The following ROCK1 variants were observed in gnomAD, a reference collection of about 807,000 sequenced individuals.
ROCK1 encodes the protein Rho associated coiled-coil containing protein kinase 1.
A neutral mutation model predicts 196.8 loss-of-function variants in ROCK1; 36 were observed. The ratio of observed to expected loss-of-function variants is 0.18; its 90% confidence interval spans 0.14 to 0.24. ROCK1 has a LOEUF of 0.24. ROCK1 is among the 10% of genes least tolerant of loss of function. The probability of loss-of-function intolerance (pLI) is 1.00; values close to 1 mark genes in which losing one functional copy is unlikely to be tolerated. For missense variants in ROCK1, 920 were observed against 1,562.0 expected, an observed-to-expected ratio of 0.59 and a Z score of 6.93; for synonymous variants, 443 against 515.9, an observed-to-expected ratio of 0.86 and a Z score of 1.91.
At chr18:20,967,466 G>C (rs2035384835) in intron 26 of ROCK1, among the ~76,000 whole-genome samples, 1 of 152,066 alleles carries the variant, frequency 6.6e-6, no homozygotes, top group African/African-American at 2.4e-5. Flanking sequence ...TCTCAATTTT[G>C]TTCTATTAAC....
At chr18:20,986,127 C>T (rs760299980) in intron 19 of ROCK1, among the ~76,000 whole-genome samples, 1 of 152,154 alleles carries the variant, frequency 6.6e-6, no homozygotes, top group Non-Finnish European at 1.5e-5. Context: ...TCCCGAAGTG[C>T]TGGGATTACA....
At chr18:20,985,676 T>C (rs528856685) in intron 19 of ROCK1, among the ~76,000 whole-genome samples, 3 of 152,292 alleles carry the variant, frequency 2.0e-5, no homozygotes, top group South Asian at 2.1e-4. Context: ...CAGAGCCAAA[T>C]AGGTAGTCAA....
At chr18:20,970,578 A>G in intron 22 of ROCK1, 65 bp from the exon 23 acceptor site, 1 of 1,080,364 alleles carries the variant, frequency 9.3e-7, no homozygotes, top group Non-Finnish European at 1.3e-6. Flanking sequence ...ACTTAATCAT[A>G]TTCTTAAAAA....
chr18:21,046,011 C>T (rs1374762927), intron 4 of ROCK1, among the ~76,000 whole-genome samples: 2 of 148,952 alleles, frequency 1.3e-5, no homozygotes, highest in African/African-American at 2.5e-5. Flanking sequence ...CCCAGGTTCA[C>T]GCCATTCTCC....
intron 17 of ROCK1, among the ~76,000 whole-genome samples, chr18:20,991,560 T>G (rs1304588545): frequency 6.6e-6 from 1 of 152,186 alleles, no homozygotes; most frequent in African/African-American, 2.4e-5. Context: ...TCAGGACAGT[T>G]CATTGCTAAG....
intron 2 of ROCK1, among the ~76,000 whole-genome samples, chr18:21,063,087 C>T (rs1160976633): frequency 1.3e-5 from 2 of 152,102 alleles, no homozygotes; most frequent in Non-Finnish European, 2.9e-5. Flanking sequence ...CAATGGTAGA[C>T]AAGTGGAAGA....
intron 21 of ROCK1, among the ~76,000 whole-genome samples, chr18:20,980,999 T>G (rs1308243173): frequency 6.6e-6 from 1 of 151,930 alleles, no homozygotes; most frequent in African/African-American, 2.4e-5. Context: ...TTAACACATA[T>G]TACTAATTTA....
At chr18:21,110,692 A>T in intron 1 of ROCK1, 126 bp downstream of exon 1, 1 of 770,770 alleles carries the variant, frequency 1.3e-6, no homozygotes, top group Non-Finnish European at 2.2e-6. Context: ...TCTTCAGGAA[A>T]CAGAAATCTA....
At chr18:21,031,883 G>A (rs1171654644) in intron 9 of ROCK1, among the ~76,000 whole-genome samples, 1 of 151,526 alleles carries the variant, frequency 6.6e-6, no homozygotes, top group Non-Finnish European at 1.5e-5. Context: ...ACAGGCAGAG[G>A]AAAAAAAACC....
chr18:21,018,497 T>TC (rs1000311154), intron 12 of ROCK1, among the ~76,000 whole-genome samples: 12 of 145,468 alleles, frequency 8.2e-5, no homozygotes, highest in African/African-American at 2.6e-4. Context: ...GCCATCATAC[T>TC]CCAGCCTGGG....
At chr18:21,089,901 T>C (rs138603441) in intron 1 of ROCK1, among the ~76,000 whole-genome samples, 4 of 152,320 alleles carry the variant, frequency 2.6e-5, no homozygotes, top group African/African-American at 7.2e-5. Context: ...AAGTCTGAGA[T>C]TGTAGTTGGA....
Position 20,946,950 on chromosome 18 carries a change from A to G in ROCK1, c.*4434T>C, listed in dbSNP as rs1419693953. On this transcript the variant is annotated 3_prime_UTR_variant, in exon 33 of 33. Coordinates refer to ENST00000399799, the MANE Select transcript of ROCK1 (RefSeq NM_005406.3). ...TAATAGCCAAACCATCCTACATGGT[A>G]CAAGAAACCAATTTATAGGATTAAC... is the stretch of plus-strand genomic sequence containing the variant. The G allele has an allele frequency of 1.3e-5, 2 of 152,238 alleles. No homozygotes were observed. Among genetic ancestry groups the G allele is most frequent in the Admixed American group, 1.3e-4 (2 of 15,280 alleles). The allele number at this position is 152,238 out of a possible 1,614,324, so 9.4% of individuals were successfully genotyped here. A position where few individuals can be genotyped will look rare whatever the true frequency, so the allele number is the denominator to read the frequency against.
At chr18:21,071,479 A>G (rs1398278741) in intron 1 of ROCK1, among the ~76,000 whole-genome samples, 1 of 152,012 alleles carries the variant, frequency 6.6e-6, no homozygotes, top group Admixed American at 6.6e-5. Flanking sequence ...GCCTGGCCGA[A>G]CTTTTGCTTT....
chr18:21,049,753 T>C, intron 3 of ROCK1, 27 bp downstream of exon 3: 1 of 1,268,350 alleles, frequency 7.9e-7, no homozygotes, highest in Non-Finnish European at 1.1e-6. Flanking sequence ...AATAAAGTCC[T>C]TTTGTATTCT....
chr18:21,109,517 T>G (rs2036731392), intron 1 of ROCK1, among the ~76,000 whole-genome samples: 1 of 152,224 alleles, frequency 6.6e-6, no homozygotes, highest in Non-Finnish European at 1.5e-5. Context: ...CTTCCACTTA[T>G]CTCGTTTAAT....
chr18:21,084,279 A>T (rs1290536122), intron 1 of ROCK1, among the ~76,000 whole-genome samples: 1 of 151,926 alleles, frequency 6.6e-6, no homozygotes, highest in Non-Finnish European at 1.5e-5. Context: ...ACTAAACCTC[A>T]TCAAAATTAA....
rs947533723 is a variant in ROCK1, at chr18:20,954,665, A to C, written c.3853+118T>G. The C allele has an allele frequency of 2.8e-6, 3 of 1,062,340 alleles. No individual in the cohort carries two copies. The African/African-American group carries it at 4.8e-5, about 17-fold the overall frequency. 65.8% of individuals were successfully genotyped at this position (1,062,340 alleles called of 1,614,324 possible). On this transcript the variant is annotated intron_variant, in intron 31 of 32. Coordinates refer to ENST00000399799, the MANE Select transcript of ROCK1 (RefSeq NM_005406.3). ...CTGCATATTGCCCCACCAGTGTCAAAATAATACTTTCTATAATCTCTTTTC... is the reference window on the plus strand; with the variant it reads ...CTGCATATTGCCCCACCAGTGTCAACATAATACTTTCTATAATCTCTTTTC...
Position 21,098,242 on chromosome 18 carries a change from G to A in ROCK1, c.93+12576C>T, listed in dbSNP as rs115405706. On this transcript the variant is annotated intron_variant, in intron 1 of 32. Transcript: ENST00000399799. ...TATTAGCACATGAAAAAGCAAGAGA[G>A]ACCAATGGAACAGAAGGTTAGAAAT... 7.4e-3 allele frequency among the ~76,000 whole-genome samples: 1,123 copies of A among 152,218 alleles called. 16 individuals carry two copies. The highest frequency in any genetic ancestry group is 0.025 in the African/African-American group (1,058 of 41,522).
At chr18:21,045,586 T>C (rs2036148669) in intron 4 of ROCK1, 119 bp from the exon 5 acceptor site, 3 of 800,080 alleles carry the variant, frequency 3.7e-6, no homozygotes, top group Admixed American at 3.4e-5. Flanking sequence ...ATTACAGAAG[T>C]TGCAAGTCTA....
Sources: gnomAD v4.1 joint callset for allele counts (sites outside exome capture counted in the v4.1 genomes callset) on GRCh38, gnomAD v4.1.1 for gene constraint, MANE v1.5 for transcripts, NCBI Gene and HGNC (gene_info 2026-07-23, HGNC 2026-07-21) for gene names.